ADAMTS2: variants seen among roughly 807,000 people sequenced by gnomAD.
The protein encoded by ADAMTS2 is A disintegrin and metalloproteinase with thrombospondin motifs 2.
In ADAMTS2, 50 loss-of-function variants were observed where a neutral mutation model predicts 123.0. The observed-to-expected ratio is 0.41, with a 90% CI of 0.32 to 0.51. The LOEUF is 0.51. Among genes scored for constraint, ADAMTS2 ranks in the 20% least tolerant of loss-of-function variants. The pLI is 0.35. For missense variants in ADAMTS2, 1,494 were observed against 1,705.2 expected (o/e 0.88, Z 2.18); for synonymous variants, 678 against 695.4 (o/e 0.98, Z 0.39).
In ADAMTS2 at chr5:179,192,406, G is replaced by A. The variant is rs145466459; in HGVS notation, c.892-11251C>T. 1.0e-3 allele frequency among the ~76,000 whole-genome samples: 152 copies of A among 152,346 alleles called. 2 individuals carry two copies. In the East Asian group the frequency reaches 0.015, roughly 15 times the overall value. On this transcript the variant is annotated intron_variant, in intron 4 of 21. Coordinates refer to ENST00000251582, the MANE Select transcript of ADAMTS2 (RefSeq NM_014244.5). ...GCGCCTCTTGGGCTTGGCGGGAAAC[G>A]GCTTTGCCCTTCTGTGCAGCAGGTC...
rs1443193843 is a variant in ADAMTS2 at position 179,230,629 on chromosome 5, G to A, written c.689-22914C>T. 5.3e-5 allele frequency among the ~76,000 whole-genome samples: 8 copies of A among 152,196 alleles called. No homozygotes were observed. The South Asian group carries it at 6.2e-4, about 12-fold the overall frequency. ...CACCACTGCACTGCGGTGTGTCTGC[G>A]TCTATACAGACTTCCTCCATTTCAC... On this transcript the variant is annotated intron_variant, in intron 3 of 21. Coordinates refer to ENST00000251582, the MANE Select transcript of ADAMTS2 (RefSeq NM_014244.5).
intron 19 of ADAMTS2, among the ~76,000 whole-genome samples, chr5:179,123,302 G>C (rs1204235223): frequency 2.0e-5 from 3 of 152,268 alleles, no homozygotes; most frequent in Admixed American, 2.0e-4. Context: ...GCCCAGCCTT[G>C]CCCAAGGAAA....
At chr5:179,323,013 C>T (rs921390091) in intron 2 of ADAMTS2, among the ~76,000 whole-genome samples, 9 of 152,228 alleles carry the variant, frequency 5.9e-5, no homozygotes, top group Non-Finnish European at 1.3e-4. Flanking sequence ...GGAGGCAGAA[C>T]TTGAGCTGCC....
At chr5:179,246,178 G>C (rs142934255) in intron 3 of ADAMTS2, among the ~76,000 whole-genome samples, 336 of 152,180 alleles carry the variant, frequency 2.2e-3, no homozygotes, top group African/African-American at 7.8e-3. Flanking sequence ...CCACATTCCT[G>C]GTGTAGGTTG....
chr5:179,254,045 G>A (rs1765989257), intron 3 of ADAMTS2, among the ~76,000 whole-genome samples: 1 of 152,168 alleles, frequency 6.6e-6, no homozygotes, highest in African/African-American at 2.4e-5. Context: ...GTGTCAACAC[G>A]GATCTCACTG....
At chr5:179,223,496 A>G (rs1218001028) in intron 3 of ADAMTS2, among the ~76,000 whole-genome samples, 2 of 150,702 alleles carry the variant, frequency 1.3e-5, no homozygotes, top group Non-Finnish European at 3.0e-5. Flanking sequence ...ACTCACACTC[A>G]CATGCACACT....
intron 2 of ADAMTS2, among the ~76,000 whole-genome samples, chr5:179,287,265 G>C (rs1756047819): frequency 6.6e-6 from 1 of 152,200 alleles, no homozygotes. Context: ...CCCGCCCAGG[G>C]CTGGCCACAT....
chr5:179,135,925 A>G lies in ADAMTS2; in HGVS notation c.2069T>C (p.Val690Ala), dbSNP rs1763060038. Residue 690 changes from valine (V) to alanine (A), a missense_variant, in exon 13 of 22, where the codon GTG becomes GCG. This residue lies in a region of ADAMTS2 where 953 missense variants were observed against 1,124.7 expected (regional missense o/e 0.85). Transcript: ENST00000251582. Reference protein sequence around the residue: ...CSYKDAFSLCVRGDCRKVGCD... With the variant: ...CSYKDAFSLCARGDCRKVGCD... ...TGTACTCACCCTGCAGTCCCCGCGC[A>G]CACAGAGGCTGAAGGCGTCCTTGTA... The G allele has an allele frequency of 1.9e-6, 3 of 1,613,122 alleles. No individual in the cohort carries two copies. The highest frequency in any genetic ancestry group is 2.5e-6 in the Non-Finnish European group (3 of 1,179,988).
At chr5:179,226,930 G>A (rs910515166) in intron 3 of ADAMTS2, among the ~76,000 whole-genome samples, 2 of 152,214 alleles carry the variant, frequency 1.3e-5, no homozygotes, top group Non-Finnish European at 2.9e-5. Flanking sequence ...CAGGAGGAAT[G>A]GGCAGGTCTG....
At chr5:179,292,987 G>T (rs1756229632) in intron 2 of ADAMTS2, among the ~76,000 whole-genome samples, 2 of 152,182 alleles carry the variant, frequency 1.3e-5, no homozygotes, top group Admixed American at 1.3e-4. Flanking sequence ...AGCTACGCTG[G>T]CCGGTCCCCT....
chr5:179,201,841 T>C (rs1413381333), intron 4 of ADAMTS2, among the ~76,000 whole-genome samples: 3 of 151,920 alleles, frequency 2.0e-5, no homozygotes, highest in Non-Finnish European at 4.4e-5. Context: ...CTGTGTTAAA[T>C]ATGGACTATT....
rs766752541 is a variant in ADAMTS2, at chr5:179,344,044, G to A, written c.257C>T (p.Ala86Val). Residue 86 changes from alanine (A) to valine (V), a missense_variant, in exon 2 of 22, where the codon GCC (alanine) becomes GTC (valine). Ala to Val is a moderately conservative substitution (Grantham distance 64). Coordinates refer to ENST00000251582, the MANE Select transcript of ADAMTS2 (RefSeq NM_014244.5). Reference sequence around the variant, plus strand: ...GGTCCGGACCGGGGCGGCCCTGCGGGCTCGTACCCCTGCTCTGGACGTAGC... The same window carrying A: ...GGTCCGGACCGGGGCGGCCCTGCGGACTCGTACCCCTGCTCTGGACGTAGC... ...SAATSRAGVR[A>V]RRAAPVRTPS... is the part of the protein sequence containing the mutation. The A allele has an allele frequency of 1.2e-6, 2 of 1,612,330 alleles. No homozygotes were observed. Among genetic ancestry groups the A allele is most frequent in the Non-Finnish European group, 1.7e-6 (2 of 1,179,826 alleles).
chr5:179,136,987 A>G (rs1348250783), intron 12 of ADAMTS2, among the ~76,000 whole-genome samples: 4 of 152,216 alleles, frequency 2.6e-5, no homozygotes, highest in Non-Finnish European at 5.9e-5. Context: ...AAAAAAGTAA[A>G]TAATCCTTTT....
rs1762906207 is a variant in ADAMTS2, at chr5:179,128,780, T to C, written c.2458-662A>G. On this transcript the variant is annotated intron_variant, in intron 16 of 21. Coordinates refer to ENST00000251582, the MANE Select transcript of ADAMTS2 (RefSeq NM_014244.5). This position sits in a 1 kb window ranked among gnomAD's most constrained non-coding sequence, Gnocchi z 4.9. ...TCACAGTCAATCGCACTGCAGCCCA[T>C]GCCTGAACGAAGCTTATTCAACACA... Among the ~76,000 whole-genome samples the C allele has an allele frequency of 6.6e-6, 1 of 152,184 alleles. No homozygotes were observed. Among genetic ancestry groups the C allele is most frequent in the Non-Finnish European group, 1.5e-5 (1 of 68,032 alleles).
At chr5:179,229,732 G>A (rs1217948330) in intron 3 of ADAMTS2, among the ~76,000 whole-genome samples, 1 of 152,224 alleles carries the variant, frequency 6.6e-6, no homozygotes, top group Admixed American at 6.5e-5. Context: ...CAGGAAATGG[G>A]CCGCAGGCAG....
rs1242786791 is a variant in ADAMTS2 at position 179,207,701 on chromosome 5, T to C, written c.703A>G (p.Ser235Gly). 6.2e-7 allele frequency: 1 copy of C among 1,611,770 alleles called. No individual in the cohort carries two copies. Among genetic ancestry groups the C allele is most frequent in the African/African-American group, 1.3e-5 (1 of 74,900 alleles). The change falls in exon 4 of 22, where the codon AGC (serine) becomes GGC (glycine). Residue 235 changes from serine to glycine, a missense_variant. By Grantham distance (56) the Ser-to-Gly change is moderately conservative. This residue lies in a region of ADAMTS2 where 184 missense variants were observed against 152.1 expected (regional missense o/e 1.21). Coordinates refer to ENST00000251582, the MANE Select transcript of ADAMTS2 (RefSeq NM_014244.5). Reference protein sequence around the residue: ...QALDTGASLDSLDSLSRALGV... With the variant: ...QALDTGASLDGLDSLSRALGV... Reference sequence around the variant, plus strand: ...AGGGCGCGGCTGAGGCTGTCCAGGCTGTCCAGGGAGGCCCCTGCAAGGAGA... The same window carrying C: ...AGGGCGCGGCTGAGGCTGTCCAGGCCGTCCAGGGAGGCCCCTGCAAGGAGA...
chr5:179,151,614 G>A (rs1763356899), intron 10 of ADAMTS2, among the ~76,000 whole-genome samples: 1 of 152,216 alleles, frequency 6.6e-6, no homozygotes, highest in East Asian at 1.9e-4. Context: ...CTGAACAAAT[G>A]AGAATCAGGT....
chr5:179,135,195 C>T (rs1763044843), intron 13 of ADAMTS2, among the ~76,000 whole-genome samples: 1 of 151,094 alleles, frequency 6.6e-6, no homozygotes, highest in Non-Finnish European at 1.5e-5. Context: ...CAGCCCCCAG[C>T]CGCTGTCCCT....
chr5:179,276,098 C>T (rs6896164), intron 2 of ADAMTS2, among the ~76,000 whole-genome samples: 5,793 of 152,180 alleles, frequency 0.038, 323 homozygotes, highest in African/African-American at 0.12. Flanking sequence ...CTGACTCATC[C>T]CTGGGTCTCA....
Sources: allele counts gnomAD v4.1 joint callset (sites outside exome capture counted in the v4.1 genomes callset), GRCh38; gene constraint gnomAD v4.1.1; regional missense constraint gnomAD v4.1.1; non-coding constraint Gnocchi (gnomAD v3.1); transcripts MANE v1.5; gene names NCBI Gene and HGNC (gene_info 2026-07-23, HGNC 2026-07-21).